Variants in TFDP1 observed in about 807,000 individuals in gnomAD.
TFDP1 encodes DRTF1-polypeptide 1.
A neutral mutation model predicts 48.0 loss-of-function variants in TFDP1; 6 were observed. That is an observed-to-expected ratio of 0.13 (90% CI 0.07 to 0.25). The LOEUF (loss-of-function observed/expected upper bound fraction) is 0.25. Ranked by LOEUF, TFDP1 falls within the 10% of genes least tolerant of loss-of-function variation. The pLI, the probability that TFDP1 is intolerant of heterozygous loss-of-function variation, is 1.00. For missense variants in TFDP1, 335 were observed against 543.0 expected, an observed-to-expected ratio of 0.62 and a Z score of 3.81; for synonymous variants, 201 against 211.6, an observed-to-expected ratio of 0.95 and a Z score of 0.44.
At chr13:113,621,332 G>A (rs2048989896) in intron 3 of TFDP1, among the ~76,000 whole-genome samples, 1 of 152,218 alleles carries the variant, frequency 6.6e-6, no homozygotes, top group Non-Finnish European at 1.5e-5. Flanking sequence ...CAAATGGGGG[G>A]CTATCCGCTC....
rs2140680686 is a variant in TFDP1 at position 113,640,312 on chromosome 13, AAAG to A, written c.*48_*50del. ...TCGGCTTCAGGAAAACGTTTAGCGA[AAAG>A]AAACTTTTTTTTTAATGTGGGTTTT... On this transcript the variant is annotated 3_prime_UTR_variant, in exon 12 of 12. Coordinates refer to ENST00000375370, the MANE Select transcript of TFDP1 (RefSeq NM_007111.5). 2 of 1,568,802 alleles carry A rather than the reference AAAG, an allele frequency of 1.3e-6. No individual in the cohort carries two copies. Among genetic ancestry groups the A allele is most frequent in the South Asian group, 1.2e-5 (1 of 86,040 alleles).
At chr13:113,620,780 C>T (rs1286432538) in intron 3 of TFDP1, among the ~76,000 whole-genome samples, 2 of 152,190 alleles carry the variant, frequency 1.3e-5, no homozygotes, top group African/African-American at 4.8e-5. Context: ...TTAGGATGCA[C>T]ACCTTTATTT....
chr13:113,611,374 C>T (rs937671882), intron 3 of TFDP1, among the ~76,000 whole-genome samples: 2 of 152,238 alleles, frequency 1.3e-5, no homozygotes, highest in African/African-American at 2.4e-5. Context: ...AAGATAATGA[C>T]GTTTCAGCTG....
chr13:113,596,041 C>T (rs1200608612), intron 2 of TFDP1, among the ~76,000 whole-genome samples: 5 of 152,176 alleles, frequency 3.3e-5, no homozygotes, highest in Admixed American at 2.0e-4. Flanking sequence ...AAGATGGCGC[C>T]GCTGCACTCC....
chr13:113,602,660 C>G lies in TFDP1; in HGVS notation c.13-8336C>G, dbSNP rs546914580. Among the ~76,000 whole-genome samples, 48 of 152,328 alleles carry G rather than the reference C, an allele frequency of 3.2e-4. 1 individual carries two copies. The South Asian group carries it at 8.3e-3, about 26-fold the overall frequency. Reference sequence around the variant, plus strand: ...AGATTGTTCCTTGACACTTTTATGGCTGTTGCGTAGGCAGAGTTGAGTGGC... The same window carrying G: ...AGATTGTTCCTTGACACTTTTATGGGTGTTGCGTAGGCAGAGTTGAGTGGC... On this transcript the variant is annotated intron_variant, in intron 2 of 11. Coordinates refer to ENST00000375370, the MANE Select transcript of TFDP1 (RefSeq NM_007111.5).
intron 11 of TFDP1, among the ~76,000 whole-genome samples, chr13:113,638,279 G>C (rs1014276437): frequency 1.3e-5 from 2 of 152,024 alleles, no homozygotes; most frequent in African/African-American, 2.4e-5. Flanking sequence ...GAACGCGTCT[G>C]CGGTCTGGGC....
intron 2 of TFDP1, among the ~76,000 whole-genome samples, chr13:113,590,618 A>C (rs1466670036): frequency 6.6e-6 from 1 of 152,110 alleles, no homozygotes; most frequent in African/African-American, 2.4e-5. Flanking sequence ...ATCTATGATG[A>C]CGTGCTTGTT....
At chr13:113,604,607 T>G in intron 2 of TFDP1, among the ~76,000 whole-genome samples, 1 of 151,622 alleles carries the variant, frequency 6.6e-6, no homozygotes, top group East Asian at 1.9e-4. Context: ...CGTGCACCCC[T>G]TGCGCATCCT....
chr13:113,611,962 T>C (rs545422116), intron 3 of TFDP1, among the ~76,000 whole-genome samples: 18 of 152,192 alleles, frequency 1.2e-4, no homozygotes, highest in Non-Finnish European at 2.5e-4. Flanking sequence ...GAGGCCTGGA[T>C]GTGTTTCCGT....
intron 3 of TFDP1, among the ~76,000 whole-genome samples, chr13:113,617,024 C>T (rs1356993684): frequency 6.6e-6 from 1 of 152,184 alleles, no homozygotes; most frequent in Non-Finnish European, 1.5e-5. Flanking sequence ...GCAGGGTAGC[C>T]TCCCAGAGCT....
rs745964592 is a variant in TFDP1, at chr13:113,607,411, C to G, written c.13-3585C>G. ...TTTCCACTTTCAGAAGCATGAGTTG[C>G]ATAAGGAAGGGGAATGAAAGGGTTT... On this transcript the variant is annotated intron_variant, in intron 2 of 11. Coordinates refer to ENST00000375370, the MANE Select transcript of TFDP1 (RefSeq NM_007111.5). This position sits in a 1 kb window ranked among gnomAD's most constrained non-coding sequence, Gnocchi z 5.2. Among the ~76,000 whole-genome samples, 8 of 152,226 alleles carry G rather than the reference C, an allele frequency of 5.3e-5. No individual in the cohort carries two copies. The highest frequency in any genetic ancestry group is 1.2e-4 in the Non-Finnish European group (8 of 68,042).
intron 3 of TFDP1, among the ~76,000 whole-genome samples, chr13:113,618,668 C>T (rs542566797): frequency 5.3e-5 from 8 of 152,186 alleles, no homozygotes; most frequent in Non-Finnish European, 8.8e-5. Context: ...GGACAGCGGC[C>T]GCTGGGACCC....
intron 4 of TFDP1, among the ~76,000 whole-genome samples, chr13:113,631,032 C>G (rs575119809): frequency 7.2e-5 from 11 of 152,338 alleles, no homozygotes; most frequent in African/African-American, 2.2e-4. Context: ...TTCCCCCAGA[C>G]AGGGCCCCAG....
chr13:113,597,931 C>T (rs1027548236), intron 2 of TFDP1, among the ~76,000 whole-genome samples: 1 of 152,190 alleles, frequency 6.6e-6, no homozygotes, highest in African/African-American at 2.4e-5. Context: ...TGGCAGGTGG[C>T]CAGAAACGGG....
chr13:113,639,876 G>C (rs1251894753), intron 11 of TFDP1, among the ~76,000 whole-genome samples: 3 of 152,268 alleles, frequency 2.0e-5, no homozygotes, highest in Non-Finnish European at 2.9e-5. Context: ...GCTCTGCTCA[G>C]CCTCCTGTTT....
intron 2 of TFDP1, among the ~76,000 whole-genome samples, chr13:113,600,871 C>G (rs1021175410): frequency 6.8e-6 from 1 of 147,034 alleles, no homozygotes; most frequent in South Asian, 2.1e-4. Flanking sequence ...GAACTCAGGA[C>G]TGCAAGAGAG....
rs570476466 is a variant in TFDP1, at chr13:113,605,050, T to G, written c.13-5946T>G. On this transcript the variant is annotated intron_variant, in intron 2 of 11. Transcript: ENST00000375370. Reference sequence around the variant, plus strand: ...TGGAGCCTCAGCAGGGCGTTGTGTTTGACGGCAAATGGGAATTAAATCATG... The same window carrying G: ...TGGAGCCTCAGCAGGGCGTTGTGTTGGACGGCAAATGGGAATTAAATCATG... Among the ~76,000 whole-genome samples the G allele has an allele frequency of 6.6e-5, 10 of 152,300 alleles. No homozygotes were observed. The South Asian group carries it at 2.1e-3, about 32-fold the overall frequency.
chr13:113,611,948 C>G (rs1414049185), intron 3 of TFDP1, among the ~76,000 whole-genome samples: 1 of 152,170 alleles, frequency 6.6e-6, no homozygotes, highest in Non-Finnish European at 1.5e-5. Context: ...CAGGGAGGAG[C>G]CCAGAGGCCT....
At chr13:113,636,468 T>A in intron 9 of TFDP1, 66 bp from the exon 10 acceptor site, 1 of 1,566,138 alleles carries the variant, frequency 6.4e-7, no homozygotes, top group Middle Eastern at 2.3e-4. Flanking sequence ...CCGTCCTGGC[T>A]CCACCCCAGT....
Sources: allele counts gnomAD v4.1 joint callset (sites outside exome capture counted in the v4.1 genomes callset), GRCh38; gene constraint gnomAD v4.1.1; non-coding constraint Gnocchi (gnomAD v3.1); transcripts MANE v1.5; gene names NCBI Gene and HGNC (gene_info 2026-07-23, HGNC 2026-07-21).